The following LAMTOR3 variants were observed in gnomAD, a reference collection of about 807,000 sequenced individuals.
LAMTOR3 encodes late endosomal/lysosomal adaptor, MAPK and MTOR activator 3.
LAMTOR3 carries 14 observed loss-of-function variants against 20.3 expected under a neutral mutation model. The observed-to-expected ratio is 0.69, with a 90% CI of 0.46 to 1.08. The LOEUF (loss-of-function observed/expected upper bound fraction) is 1.08. LAMTOR3 is among the 50% of genes least tolerant of loss of function. LAMTOR3 has a pLI of 0.00. For synonymous variants in LAMTOR3, 40 were observed against 49.4 expected (o/e 0.81, Z 0.80); for missense variants, 125 against 143.7 (o/e 0.87, Z 0.67).
At chr4:99,882,726 A>G (rs1280936858) in intron 6 of LAMTOR3, among the ~76,000 whole-genome samples, 9 of 152,092 alleles carry the variant, frequency 5.9e-5, no homozygotes, top group African/African-American at 2.2e-4. Flanking sequence ...ATATTGAACA[A>G]AGAAAATCAG....
intron 3 of LAMTOR3, 109 bp downstream of exon 3, chr4:99,891,891 A>C: frequency 1.4e-6 from 2 of 1,456,522 alleles, no homozygotes; most frequent in South Asian, 2.7e-5. Flanking sequence ...ATTCATATTA[A>C]AGGAAATCTC....
intron 3 of LAMTOR3, among the ~76,000 whole-genome samples, chr4:99,889,462 G>C (rs1328474504): frequency 6.6e-6 from 1 of 152,128 alleles, no homozygotes; most frequent in Admixed American, 6.6e-5. Flanking sequence ...TATGTACCAG[G>C]AAAGATTACT....
intron 5 of LAMTOR3, among the ~76,000 whole-genome samples, chr4:99,884,447 A>G (rs1277689841): frequency 6.6e-6 from 1 of 152,236 alleles, no homozygotes; most frequent in African/African-American, 2.4e-5. Context: ...TGATAATTAA[A>G]TGGATAAATG....
intron 1 of LAMTOR3, 51 bp downstream of exon 1, chr4:99,894,275 TCACCACCCG>T (rs1213670516): frequency 1.6e-5 from 5 of 321,926 alleles, no homozygotes; most frequent in Admixed American, 5.0e-5. Flanking sequence ...CTGTTTAATC[TCACCACCCG>T]CGCCACCTGC....
At chr4:99,891,871 G>A in intron 3 of LAMTOR3, 129 bp downstream of exon 3, 1 of 1,411,012 alleles carries the variant, frequency 7.1e-7, no homozygotes, top group Non-Finnish European at 9.3e-7. Flanking sequence ...ACGTGAGGCT[G>A]GCAAAAAATA....
intron 5 of LAMTOR3, among the ~76,000 whole-genome samples, chr4:99,884,513 T>C (rs1462559817): frequency 3.3e-5 from 5 of 152,190 alleles, no homozygotes; most frequent in South Asian, 2.1e-4. Flanking sequence ...CTGGTTCTTG[T>C]GTATTACTGT....
rs1318124670 is a variant in LAMTOR3, at chr4:99,878,446, C to CAT, written c.*3547_*3548insAT. On this transcript the variant is annotated 3_prime_UTR_variant, in exon 7 of 7. Coordinates refer to ENST00000499666, the MANE Select transcript of LAMTOR3 (RefSeq NM_021970.4). ...TATTATTTTTGAACAGTTAAAAACT[C>CAT]AAAGTACAATGAAGTTTACAATGAA... is the stretch of plus-strand genomic sequence containing the variant. 6.6e-6 allele frequency: 1 copy of CAT among 152,134 alleles called. No individual in the cohort carries two copies. Among genetic ancestry groups the CAT allele is most frequent in the Non-Finnish European group, 1.5e-5 (1 of 68,026 alleles). 9.4% of individuals were successfully genotyped at this position (152,134 alleles called of 1,614,324 possible).
chr4:99,878,527 C>G lies in LAMTOR3; in HGVS notation c.*3467G>C, dbSNP rs1724753686. 6.6e-6 allele frequency: 1 copy of G among 152,200 alleles called. No homozygotes were observed. Among genetic ancestry groups the G allele is most frequent in the Non-Finnish European group, 1.5e-5 (1 of 68,034 alleles). 9.4% of individuals were successfully genotyped at this position (152,200 alleles called of 1,614,324 possible). A position where few individuals can be genotyped will look rare whatever the true frequency, so the allele number is the denominator to read the frequency against. ...GGTATCTAGTTCTGCTCCTTGGAGACTACCAATGTGATCAGGTTCTTCCAT... is the reference window on the plus strand; with the variant it reads ...GGTATCTAGTTCTGCTCCTTGGAGAGTACCAATGTGATCAGGTTCTTCCAT... On this transcript the variant is annotated 3_prime_UTR_variant, in exon 7 of 7. Coordinates refer to ENST00000499666, the MANE Select transcript of LAMTOR3 (RefSeq NM_021970.4).
At chr4:99,891,873 C>CA in intron 3 of LAMTOR3, 127 bp downstream of exon 3, 1 of 1,413,646 alleles carries the variant, frequency 7.1e-7, no homozygotes, top group Non-Finnish European at 9.3e-7. Context: ...GTGAGGCTGG[C>CA]AAAAAATATT....
At chr4:99,882,098 T>C (rs1466426338) in intron 6 of LAMTOR3, 31 bp from the exon 7 acceptor site, 2 of 1,393,620 alleles carry the variant, frequency 1.4e-6, no homozygotes, top group Admixed American at 2.3e-5. Flanking sequence ...AAATTACATG[T>C]TAGAAAAATG....
chr4:99,893,986 G>A lies in LAMTOR3; in HGVS notation c.-23C>T, dbSNP rs374563212. The A allele has an allele frequency of 2.0e-6, 3 of 1,536,578 alleles. No homozygotes were observed. The highest frequency in any genetic ancestry group is 1.4e-5 in the African/African-American group (1 of 71,606). On this transcript the variant is annotated 5_prime_UTR_variant, in exon 2 of 7. Transcript: ENST00000499666. ...CATGATGAACCCCCTTCTCTCGCAGGATCAATCTCCACGCCTGGAAGAGAA... is the reference window on the plus strand; with the variant it reads ...CATGATGAACCCCCTTCTCTCGCAGAATCAATCTCCACGCCTGGAAGAGAA...
At chr4:99,887,449 C>T in intron 3 of LAMTOR3, 95 bp from the exon 4 acceptor site, 1 of 477,610 alleles carries the variant, frequency 2.1e-6, no homozygotes, top group Non-Finnish European at 3.4e-6. Flanking sequence ...AAACTATGCA[C>T]CTCAAAGACA....
At chr4:99,893,244 C>G (rs933471719) in intron 2 of LAMTOR3, among the ~76,000 whole-genome samples, 3 of 152,016 alleles carry the variant, frequency 2.0e-5, no homozygotes, top group Non-Finnish European at 4.4e-5. Flanking sequence ...GAACTCCCGG[C>G]CTCAAGTGAT....
rs1314923716 is a variant in LAMTOR3, at chr4:99,881,643, T to C, written c.*351A>G. ...CTGCAAGCCTGGGCATATTGTACAATTGGCAGCACTTAACGGCTCAAGTGG... is the reference window on the plus strand; with the variant it reads ...CTGCAAGCCTGGGCATATTGTACAACTGGCAGCACTTAACGGCTCAAGTGG... On this transcript the variant is annotated 3_prime_UTR_variant, in exon 7 of 7. Transcript: ENST00000499666. 1 of 190,996 alleles carries C rather than the reference T, an allele frequency of 5.2e-6. No individual in the cohort carries two copies. Among genetic ancestry groups the C allele is most frequent in the Non-Finnish European group, 1.1e-5 (1 of 94,042 alleles). 11.8% of individuals were successfully genotyped at this position (190,996 alleles called of 1,614,324 possible).
chr4:99,893,834 G>T, intron 2 of LAMTOR3, 121 bp downstream of exon 2: 1 of 619,766 alleles, frequency 1.6e-6, no homozygotes, highest in Non-Finnish European at 2.6e-6. Flanking sequence ...AATTAACTGG[G>T]ATGGGTGGGG....
intron 6 of LAMTOR3, among the ~76,000 whole-genome samples, chr4:99,882,334 G>A (rs531849178): frequency 6.6e-6 from 1 of 152,208 alleles, no homozygotes; most frequent in East Asian, 1.9e-4. Context: ...GCTCCAGTGA[G>A]CATTTTCTTT....
chr4:99,885,627 G>T lies in LAMTOR3; in HGVS notation c.152C>A (p.Ser51Tyr). 9 of 1,613,430 alleles carry T rather than the reference G, an allele frequency of 5.6e-6. No homozygotes were observed. Among genetic ancestry groups the T allele is most frequent in the Non-Finnish European group, 7.6e-6 (9 of 1,179,662 alleles). The change falls in exon 5 of 7, where the codon TCC (serine) becomes TAC (tyrosine). Residue 51 changes from serine (S) to tyrosine (Y), a missense_variant. This residue lies in a region of LAMTOR3 where 99 missense variants were observed against 96.0 expected (regional missense o/e 1.03). Coordinates refer to ENST00000499666, the MANE Select transcript of LAMTOR3 (RefSeq NM_021970.4). ...TTGGTCTGTTGCAAGGGCAAAAGTG[G>T]ATAAGAAACCAGGTCGCAAAGCATG... ...PEHALRPGFL[S>Y]TFALATDQGS...
chr4:99,881,801 A>AGACC lies in LAMTOR3; in HGVS notation c.*189_*192dup. On this transcript the variant is annotated 3_prime_UTR_variant, in exon 7 of 7. Transcript: ENST00000499666. ...ATCCCTAGATCTCACTAAATAAGAA[A>AGACC]GACCCTACACCAGAAAATATAGCAA... 1 of 551,654 alleles carries AGACC rather than the reference A, an allele frequency of 1.8e-6. No homozygotes were observed. Among genetic ancestry groups the AGACC allele is most frequent in the South Asian group, 2.2e-5 (1 of 44,730 alleles). 34.2% of individuals were successfully genotyped at this position (551,654 alleles called of 1,614,324 possible).
Position 99,881,947 on chromosome 4 carries a change from T to C in LAMTOR3, c.*47A>G. On this transcript the variant is annotated 3_prime_UTR_variant, in exon 7 of 7. Coordinates refer to ENST00000499666, the MANE Select transcript of LAMTOR3 (RefSeq NM_021970.4). ...AGTCTAAAGATTGCTGGATTGATAT[T>C]GTGTTGTTATAATGAAGATAAGGTA... 8.1e-7 allele frequency: 1 copy of C among 1,234,486 alleles called. No homozygotes were observed. The highest frequency in any genetic ancestry group is 1.2e-5 in the South Asian group (1 of 81,002). The allele number at this position is 1,234,486 out of a possible 1,614,324, so 76.5% of individuals were successfully genotyped here.
Sources: gnomAD v4.1 joint callset for allele counts (sites outside exome capture counted in the v4.1 genomes callset) on GRCh38, gnomAD v4.1.1 for gene constraint, gnomAD v4.1.1 regional missense constraint, MANE v1.5 for transcripts, NCBI Gene and HGNC (gene_info 2026-07-23, HGNC 2026-07-21) for gene names.